Variants in ULK4 observed in about 807,000 individuals in gnomAD.
ULK4 encodes inactive serine/threonine-protein kinase ULK4.
Under a neutral mutation model 160.6 loss-of-function variants are expected in ULK4, and 133 were observed. That is an observed-to-expected ratio of 0.83 (90% confidence interval 0.72 to 0.96). ULK4 has a LOEUF of 0.96. Ranked by LOEUF, ULK4 falls within the 40% of genes least tolerant of loss-of-function variation. The pLI is 0.00. For missense variants in ULK4, 1,580 were observed against 1,499.5 expected (o/e 1.05, Z -0.89); for synonymous variants, 534 against 539.8 (o/e 0.99, Z 0.15).
intron 2 of ULK4, among the ~76,000 whole-genome samples, chr3:41,952,542 T>A (rs77624652): frequency 0.029 from 4,397 of 151,164 alleles, 205 homozygotes; most frequent in African/African-American, 0.1. Flanking sequence ...CCCATTAGGA[T>A]GGTTACTGTC....
chr3:41,389,315 A>G (rs376403198), intron 35 of ULK4, among the ~76,000 whole-genome samples: 2 of 152,154 alleles, frequency 1.3e-5, no homozygotes, highest in Non-Finnish European at 2.9e-5. Context: ...TGTCATCTGG[A>G]AACAGGGACA....
chr3:41,404,292 T>C (rs962088392), intron 34 of ULK4, among the ~76,000 whole-genome samples: 1 of 150,180 alleles, frequency 6.7e-6, no homozygotes, highest in Non-Finnish European at 1.5e-5. Flanking sequence ...ACATTTAAAA[T>C]AGTTATGTCA....
chr3:41,714,073 T>C (rs1366422811), intron 25 of ULK4, among the ~76,000 whole-genome samples: 1 of 152,190 alleles, frequency 6.6e-6, no homozygotes, highest in Admixed American at 6.5e-5. Context: ...AGAAAAATCA[T>C]AGTCATGTTA....
Position 41,506,777 on chromosome 3 carries a change from T to TATAA in ULK4, c.3227-43525_3227-43524insTTAT, listed in dbSNP as rs1559658174. On this transcript the variant is annotated intron_variant, in intron 32 of 36. Coordinates refer to ENST00000301831, the MANE Select transcript of ULK4 (RefSeq NM_017886.4). Reference sequence around the variant, plus strand: ...TGGAGTGTGATTTAAAATATATATATATATATATATATATATATATATATA... The same window carrying TATAA: ...TGGAGTGTGATTTAAAATATATATATATAAATATATATATATATATATATATATA... Among the ~76,000 whole-genome samples, 13 of 17,436 alleles carry TATAA rather than the reference T, an allele frequency of 7.5e-4. 1 individual carries two copies. The highest frequency in any genetic ancestry group is 1.2e-3 in the Non-Finnish European group (7 of 6,032). 11.4% of individuals were successfully genotyped at this position (17,436 alleles called of 152,430 possible).
chr3:41,588,609 A>G (rs912376859), intron 31 of ULK4, among the ~76,000 whole-genome samples: 4 of 152,220 alleles, frequency 2.6e-5, no homozygotes, highest in African/African-American at 9.6e-5. Context: ...ACCAAATAGC[A>G]GGACAAGTGC....
intron 32 of ULK4, among the ~76,000 whole-genome samples, chr3:41,564,236 A>G (rs754060828): frequency 2.0e-4 from 31 of 152,196 alleles, no homozygotes; most frequent in Admixed American, 1.2e-3. Context: ...TATTTTTGGC[A>G]GATCCTTCAT....
At chr3:41,471,337 C>T (rs2083985636) in intron 32 of ULK4, among the ~76,000 whole-genome samples, 1 of 151,946 alleles carries the variant, frequency 6.6e-6, no homozygotes, top group Non-Finnish European at 1.5e-5. Flanking sequence ...CATCAGAGCA[C>T]CAAAATTATA....
chr3:41,773,740 C>T (rs1267677075), intron 21 of ULK4, among the ~76,000 whole-genome samples: 2 of 152,104 alleles, frequency 1.3e-5, no homozygotes, highest in Admixed American at 6.5e-5. Flanking sequence ...TCATATGGAA[C>T]CAAAAAAGAG....
At chr3:41,699,488 T>C (rs899304074) in intron 27 of ULK4, among the ~76,000 whole-genome samples, 13 of 152,208 alleles carry the variant, frequency 8.5e-5, no homozygotes, top group African/African-American at 3.1e-4. Context: ...AATAATATTT[T>C]CCGAAACCAC....
At chr3:41,258,938 T>C (rs957394032) in intron 35 of ULK4, among the ~76,000 whole-genome samples, 10 of 150,182 alleles carry the variant, frequency 6.7e-5, no homozygotes, top group Admixed American at 2.7e-4. Flanking sequence ...ACAATTCCTC[T>C]ACATCTGTTG....
chr3:41,376,263 C>CATTA (rs2081491396), intron 35 of ULK4, among the ~76,000 whole-genome samples: 2 of 150,146 alleles, frequency 1.3e-5, no homozygotes, highest in Non-Finnish European at 2.9e-5. Context: ...CCCAGCAATC[C>CATTA]CTTTTCTGGG....
chr3:41,775,529 G>C (rs2039579707), intron 21 of ULK4, among the ~76,000 whole-genome samples: 2 of 149,844 alleles, frequency 1.3e-5, no homozygotes, highest in Admixed American at 1.3e-4. Context: ...CTACTGAGTA[G>C]CTGGAATTAC....
intron 21 of ULK4, among the ~76,000 whole-genome samples, chr3:41,770,123 T>C (rs1470322742): frequency 2.0e-5 from 3 of 152,230 alleles, no homozygotes; most frequent in Admixed American, 6.5e-5. Context: ...TATCACAATA[T>C]ACACACATAA....
chr3:41,644,769 T>G (rs1248677985), intron 30 of ULK4, among the ~76,000 whole-genome samples: 1 of 151,126 alleles, frequency 6.6e-6, no homozygotes, highest in Non-Finnish European at 1.5e-5. Flanking sequence ...GAAGGAATGG[T>G]ACCAGTTCCT....
At chr3:41,338,725 A>ATGTG (rs577471080) in intron 35 of ULK4, among the ~76,000 whole-genome samples, 1 of 151,736 alleles carries the variant, frequency 6.6e-6, no homozygotes, top group African/African-American at 2.4e-5. Context: ...GCACATATAT[A>ATGTG]TGTGTGTGTG....
intron 32 of ULK4, among the ~76,000 whole-genome samples, chr3:41,538,941 C>A (rs999760660): frequency 4.0e-5 from 6 of 150,826 alleles, no homozygotes; most frequent in Admixed American, 3.3e-4. Flanking sequence ...AAGATAGATA[C>A]AAATTTTAGA....
chr3:41,870,396 T>C, intron 17 of ULK4, among the ~76,000 whole-genome samples: 1 of 152,232 alleles, frequency 6.6e-6, no homozygotes, highest in East Asian at 1.9e-4. Context: ...TTCTGTTTTC[T>C]TCATTCTTTT....
intron 17 of ULK4, among the ~76,000 whole-genome samples, chr3:41,864,287 T>C (rs565759803): frequency 6.6e-6 from 1 of 152,034 alleles, no homozygotes; most frequent in South Asian, 2.1e-4. Context: ...CCCAGAGATG[T>C]TCTCCACACC....
intron 35 of ULK4, among the ~76,000 whole-genome samples, chr3:41,291,541 AAAAG>A (rs2079565958): frequency 1.2e-5 from 1 of 83,756 alleles, no homozygotes; most frequent in African/African-American, 4.2e-5. Context: ...AAGGAAGGAA[AAAAG>A]AAAGGCAGGG....
Sources: allele counts gnomAD v4.1 joint callset (sites outside exome capture counted in the v4.1 genomes callset), GRCh38; gene constraint gnomAD v4.1.1; transcripts MANE v1.5; gene names NCBI Gene and HGNC (gene_info 2026-07-23, HGNC 2026-07-21).